Variants in RER1 observed in about 807,000 individuals in gnomAD.
The protein encoded by RER1 is retention in endoplasmic reticulum sorting receptor 1, also known as protein RER1.
RER1 carries 6 observed loss-of-function variants against 28.3 expected under a neutral mutation model. The observed-to-expected ratio is 0.21, with a 90% CI of 0.12 to 0.42. The LOEUF (loss-of-function observed/expected upper bound fraction) is 0.42, where lower values mean the gene tolerates loss of function less well. Among genes scored for constraint, RER1 ranks in the 10% least tolerant of loss-of-function variants. The pLI, the probability that RER1 is intolerant of heterozygous loss-of-function variation, is 1.00. For synonymous variants in RER1, 110 were observed against 95.9 expected, an observed-to-expected ratio of 1.15 and a Z score of -0.86; for missense variants, 159 against 252.9, an observed-to-expected ratio of 0.63 and a Z score of 2.52.
chr1:2,401,305 C>CTCCTCCTCCCTCCTTCT (rs1340663452), intron 5 of RER1, among the ~76,000 whole-genome samples: 2 of 48,992 alleles, frequency 4.1e-5, no homozygotes, highest in African/African-American at 1.5e-4. Flanking sequence ...TCCTTCCTGC[C>CTCCTCCTCCCTCCTTCT]GCCTCCTCCC....
intron 1 of RER1, chr1:2,393,179 A>G (rs1241223172): frequency 6.6e-6 from 1 of 151,806 alleles, no homozygotes; most frequent in Non-Finnish European, 1.5e-5. Flanking sequence ...GACTGGTTTT[A>G]TCTCCCTTTC....
chr1:2,397,437 T>C (rs1469878162), intron 3 of RER1, among the ~76,000 whole-genome samples: 2 of 152,188 alleles, frequency 1.3e-5, no homozygotes, highest in Admixed American at 6.5e-5. Context: ...CTTCTCAGTA[T>C]ACCCAGGCCG....
chr1:2,401,950 T>C (rs1481833406), intron 5 of RER1: 12 of 1,410,020 alleles, frequency 8.5e-6, no homozygotes, highest in Non-Finnish European at 1.1e-5. Context: ...TACTGATGCT[T>C]TATACTTTGT....
intron 4 of RER1, 79 bp from the exon 5 acceptor site, chr1:2,400,778 C>A: frequency 8.1e-7 from 1 of 1,233,454 alleles, no homozygotes; most frequent in Non-Finnish European, 1.2e-6. Context: ...CCTGCTAGTC[C>A]AAAGCCTTGA....
chr1:2,394,298 A>G (rs1412823309), intron 1 of RER1: 1 of 152,244 alleles, frequency 6.6e-6, no homozygotes, highest in African/African-American at 2.4e-5. Context: ...ATGGAGCCAC[A>G]TTCTGCACAG....
At chr1:2,401,267 C>CCTCCCT (rs1557903757) in intron 5 of RER1, among the ~76,000 whole-genome samples, 3 of 29,178 alleles carry the variant, frequency 1.0e-4, no homozygotes, top group Non-Finnish European at 1.5e-4. Context: ...CCCTCCTCCA[C>CCTCCCT]CCTCCCTCCT....
At chr1:2,397,653 G>C (rs1434947320) in intron 3 of RER1, among the ~76,000 whole-genome samples, 1 of 152,204 alleles carries the variant, frequency 6.6e-6, no homozygotes, top group African/African-American at 2.4e-5. Context: ...GCTCTCCCTT[G>C]TGTGAGGCCA....
At chr1:2,399,877 A>C (rs535512104) in intron 4 of RER1, among the ~76,000 whole-genome samples, 1 of 152,322 alleles carries the variant, frequency 6.6e-6, no homozygotes, top group African/African-American at 2.4e-5. Flanking sequence ...GGCAGCCATG[A>C]CGAGGTTACC....
In RER1 at chr1:2,397,102, T is replaced by G. The variant is rs769572038; in HGVS notation, c.82-14T>G. 6.3e-6 allele frequency: 10 copies of G among 1,578,536 alleles called. No homozygotes were observed. The highest frequency in any genetic ancestry group is 1.3e-5 in the African/African-American group (1 of 74,244). On this transcript the variant is annotated splice_polypyrimidine_tract_variant and intron_variant, in intron 2 of 6. Coordinates refer to ENST00000605895, the MANE Select transcript of RER1 (RefSeq NM_007033.5). ...CAGGACCTGCTTCATGCTTTTGGAC[T>G]CTTGTCTTTCTAGATTTATCAGTCC... is the stretch of plus-strand genomic sequence containing the variant.
At chr1:2,395,942 G>C (rs879090506) in intron 2 of RER1, 71 bp downstream of exon 2, 1 of 1,199,726 alleles carries the variant, frequency 8.3e-7, no homozygotes, top group South Asian at 1.2e-5. Context: ...TTTTCGGGAA[G>C]GATCTGTTTG....
chr1:2,403,172 A>G lies in RER1; in HGVS notation c.*48A>G, dbSNP rs375684587. ...CGTGTTGCAAGAACAGTTTTGAGCC[A>G]TTGTTAACAATGCCTTTTTTCTTCA... On this transcript the variant is annotated 3_prime_UTR_variant, in exon 7 of 7. Transcript: ENST00000605895. 5.0e-6 allele frequency: 7 copies of G among 1,413,844 alleles called. No homozygotes were observed. The highest frequency in any genetic ancestry group is 2.8e-5 in the African/African-American group (2 of 70,812). 87.6% of individuals were successfully genotyped at this position (1,413,844 alleles called of 1,614,324 possible).
intron 2 of RER1, chr1:2,396,114 CTT>C (rs1421608756): frequency 2.0e-6 from 1 of 512,088 alleles, no homozygotes; most frequent in Non-Finnish European, 3.5e-6. Context: ...TTTTACCAAG[CTT>C]TAAAAATATA....
intron 5 of RER1, among the ~76,000 whole-genome samples, chr1:2,401,701 C>T (rs1411100825): frequency 6.6e-6 from 1 of 152,092 alleles, no homozygotes; most frequent in African/African-American, 2.4e-5. Flanking sequence ...TTTGCAGCCG[C>T]AGATGGAGTG....
chr1:2,405,093 T>TGA lies in RER1; in HGVS notation c.*1972_*1973dup, dbSNP rs1000865154. 1.9e-5 allele frequency: 3 copies of TGA among 160,886 alleles called. No homozygotes were observed. Among genetic ancestry groups the TGA allele is most frequent in the Non-Finnish European group, 4.1e-5 (3 of 72,486 alleles). 10.0% of individuals were successfully genotyped at this position (160,886 alleles called of 1,614,324 possible). ...AGAGACCTCTCTGTGCGTCTCAGGC[T>TGA]GAGATGCAGATTTCTGTTTTCTAAA... On this transcript the variant is annotated 3_prime_UTR_variant, in exon 7 of 7. Transcript: ENST00000605895.
chr1:2,395,639 A>G, intron 1 of RER1, 145 bp from the exon 2 acceptor site: 1 of 665,706 alleles, frequency 1.5e-6, no homozygotes, highest in Non-Finnish European at 2.7e-6. Context: ...TTTTTCCCGA[A>G]CAATTCATGG....
chr1:2,405,404 A>G lies in RER1; in HGVS notation c.*2280A>G, dbSNP rs1264455646. The G allele has an allele frequency of 5.0e-6, 2 of 399,164 alleles. No homozygotes were observed. Among genetic ancestry groups the G allele is most frequent in the Non-Finnish European group, 9.6e-6 (2 of 209,162 alleles). The allele number at this position is 399,164 out of a possible 1,614,324, so 24.7% of individuals were successfully genotyped here. A position where few individuals can be genotyped will look rare whatever the true frequency, so the allele number is the denominator to read the frequency against. On this transcript the variant is annotated 3_prime_UTR_variant, in exon 7 of 7. Coordinates refer to ENST00000605895, the MANE Select transcript of RER1 (RefSeq NM_007033.5). ...ACAAGCCTGATGGGGCTGTTTTCTC[A>G]CAATATAAACGAATAAAGTGTCTTC...
intron 4 of RER1, among the ~76,000 whole-genome samples, chr1:2,400,044 C>T (rs1467927858): frequency 7.2e-5 from 11 of 152,208 alleles, no homozygotes; most frequent in Non-Finnish European, 5.9e-5. Flanking sequence ...TCGTGCTCCA[C>T]TATTGGAAGA....
At chr1:2,400,521 C>T (rs1238138262) in intron 4 of RER1, among the ~76,000 whole-genome samples, 3 of 152,360 alleles carry the variant, frequency 2.0e-5, no homozygotes, top group South Asian at 2.1e-4. Flanking sequence ...CCGCCCTGTT[C>T]TCTGCCGCTT....
chr1:2,399,707 A>G (rs991149000), intron 4 of RER1, among the ~76,000 whole-genome samples, 193 bp downstream of exon 4: 15 of 152,212 alleles, frequency 9.9e-5, no homozygotes, highest in African/African-American at 3.4e-4. Context: ...GTGGGTGTTC[A>G]TTCTGTTTTC....
Sources: allele counts gnomAD v4.1 joint callset (sites outside exome capture counted in the v4.1 genomes callset), GRCh38; gene constraint gnomAD v4.1.1; transcripts MANE v1.5; gene names NCBI Gene and HGNC (gene_info 2026-07-23, HGNC 2026-07-21).